CSMD3: variants seen among roughly 807,000 people sequenced by gnomAD.
CSMD3 encodes the protein CUB and sushi domain-containing protein 3.
A neutral mutation model predicts 435.2 loss-of-function variants in CSMD3; 177 were observed. The observed-to-expected ratio is 0.41, with a 90% CI of 0.36 to 0.46. The LOEUF is 0.46. CSMD3 is among the 20% of genes least tolerant of loss of function. CSMD3 has a pLI of 0.34. For missense variants in CSMD3, 4,265 were observed against 4,504.6 expected, an observed-to-expected ratio of 0.95 and a Z score of 1.52; for synonymous variants, 1,656 against 1,520.5, an observed-to-expected ratio of 1.09 and a Z score of -2.07.
chr8:112,346,572 C>T (rs1250804859), intron 40 of CSMD3, among the ~76,000 whole-genome samples: 6 of 151,676 alleles, frequency 4.0e-5, no homozygotes, highest in Non-Finnish European at 8.8e-5. Context: ...TGAATCATCC[C>T]AAAGACGATA....
chr8:112,563,684 A>AATTTTATTAG (rs1223195140), intron 24 of CSMD3, among the ~76,000 whole-genome samples: 3 of 152,010 alleles, frequency 2.0e-5, no homozygotes, highest in Non-Finnish European at 2.9e-5. Flanking sequence ...CCAGAAATTG[A>AATTTTATTAG]ATTTTATTAG....
rs1820240233 is a variant in CSMD3, at chr8:112,296,104, TA to T, written c.8441-99del. 5.3e-6 allele frequency: 5 copies of T among 936,234 alleles called. No individual in the cohort carries two copies. The African/African-American group carries it at 8.2e-5, about 15-fold the overall frequency. 58.0% of individuals were successfully genotyped at this position (936,234 alleles called of 1,614,324 possible). On this transcript the variant is annotated intron_variant, in intron 53 of 70. Transcript: ENST00000297405. ...CATGAGCAAACCTTTAAAGTTGTCTTAAAAGCAAGCAACAAATAATTCAATT... is the reference window on the plus strand; with the variant it reads ...CATGAGCAAACCTTTAAAGTTGTCTTAAAGCAAGCAACAAATAATTCAATT...
intron 53 of CSMD3, among the ~76,000 whole-genome samples, chr8:112,300,120 T>G (rs1201570073): frequency 1.4e-5 from 2 of 147,792 alleles, no homozygotes; most frequent in South Asian, 2.1e-4. Context: ...TCATTTTAAA[T>G]ATAATATTTT....
chr8:112,836,190 G>A (rs1168008393), intron 11 of CSMD3, among the ~76,000 whole-genome samples: 1 of 151,816 alleles, frequency 6.6e-6, no homozygotes, highest in African/African-American at 2.4e-5. Context: ...TATTAATGTA[G>A]ATAGAAAGTA....
At chr8:113,318,786 A>ATATGTGTGTGTG (rs71566042) in intron 1 of CSMD3, among the ~76,000 whole-genome samples, 3 of 140,066 alleles carry the variant, frequency 2.1e-5, no homozygotes, top group Admixed American at 7.1e-5. Flanking sequence ...GCTGAATAAG[A>ATATGTGTGTGTG]TGTGTGTGTG....
chr8:112,921,542 C>CA, intron 10 of CSMD3, 85 bp downstream of exon 10: 1 of 1,142,182 alleles, frequency 8.8e-7, no homozygotes, highest in Non-Finnish European at 1.3e-6. Flanking sequence ...TATTACAATT[C>CA]AAAGACTTAA....
At chr8:112,507,916 A>C (rs1334513825) in intron 28 of CSMD3, among the ~76,000 whole-genome samples, 1 of 152,034 alleles carries the variant, frequency 6.6e-6, no homozygotes, top group Admixed American at 6.6e-5. Flanking sequence ...AGTTGCTCAG[A>C]CTTAATATAT....
chr8:112,514,605 T>A (rs1354172922), intron 28 of CSMD3, among the ~76,000 whole-genome samples: 1 of 152,152 alleles, frequency 6.6e-6, no homozygotes. Flanking sequence ...TATTGAATGC[T>A]TCTACTTTCC....
At chr8:112,698,635 A>G (rs1044526723) in intron 13 of CSMD3, among the ~76,000 whole-genome samples, 6 of 152,188 alleles carry the variant, frequency 3.9e-5, no homozygotes, top group Non-Finnish European at 5.9e-5. Flanking sequence ...CAGCTTGAAG[A>G]AGCTCCATTG....
intron 1 of CSMD3, among the ~76,000 whole-genome samples, chr8:113,348,533 A>G (rs2132892470): frequency 6.6e-6 from 1 of 152,254 alleles, no homozygotes; most frequent in African/African-American, 2.4e-5. Context: ...AGCAGGGAGG[A>G]AGATGCAAAA....
At chr8:113,235,867 CAGGA>C (rs35890809) in intron 3 of CSMD3, among the ~76,000 whole-genome samples, 55,506 of 151,582 alleles carry the variant, frequency 0.37, 10,938 homozygotes, top group African/African-American at 0.52. Flanking sequence ...AGTAACCCTA[CAGGA>C]AGGATACCGG....
At chr8:113,278,421 C>A (rs990859356) in intron 3 of CSMD3, among the ~76,000 whole-genome samples, 171 bp downstream of exon 3, 6 of 150,668 alleles carry the variant, frequency 4.0e-5, no homozygotes, top group Non-Finnish European at 7.4e-5. Flanking sequence ...ATATTAAAAC[C>A]CACTAAGTAT....
At chr8:112,500,814 G>A (rs893040504) in intron 30 of CSMD3, among the ~76,000 whole-genome samples, 5 of 152,022 alleles carry the variant, frequency 3.3e-5, no homozygotes, top group Non-Finnish European at 7.3e-5. Flanking sequence ...TGTCCAAAAT[G>A]GGGGCTTCAT....
intron 4 of CSMD3, among the ~76,000 whole-genome samples, chr8:113,164,443 AC>A (rs1161044094): frequency 6.6e-5 from 10 of 151,884 alleles, no homozygotes; most frequent in Middle Eastern, 3.4e-3. Flanking sequence ...AGAAAAAAAA[AC>A]AATTCCTCCC....
At chr8:112,798,687 T>C (rs1256131524) in intron 13 of CSMD3, among the ~76,000 whole-genome samples, 3 of 151,892 alleles carry the variant, frequency 2.0e-5, no homozygotes, top group Non-Finnish European at 2.9e-5. Context: ...TCCCTGTTGC[T>C]CCAACCTATT....
intron 3 of CSMD3, among the ~76,000 whole-genome samples, chr8:113,211,667 T>A (rs1215420412): frequency 6.6e-6 from 1 of 152,100 alleles, no homozygotes; most frequent in African/African-American, 2.4e-5. Context: ...CCAGCCTGGA[T>A]GACAGAGGAA....
chr8:113,286,519 A>G (rs181257778), intron 2 of CSMD3, among the ~76,000 whole-genome samples: 126 of 152,204 alleles, frequency 8.3e-4, no homozygotes, highest in Admixed American at 7.7e-3. Context: ...CTGTATTTCA[A>G]CTTAATGTGA....
chr8:113,331,725 A>C (rs1218210148), intron 1 of CSMD3, among the ~76,000 whole-genome samples: 1 of 151,758 alleles, frequency 6.6e-6, no homozygotes, highest in African/African-American at 2.4e-5. Flanking sequence ...TACAAAATTC[A>C]ACATGCTTTT....
intron 27 of CSMD3, among the ~76,000 whole-genome samples, chr8:112,542,202 G>T (rs1236726643): frequency 2.2e-5 from 3 of 136,706 alleles, no homozygotes; most frequent in Non-Finnish European, 4.7e-5. Flanking sequence ...ACATCATACT[G>T]TCTGGAAAAA....
Sources: allele counts gnomAD v4.1 joint callset (sites outside exome capture counted in the v4.1 genomes callset), GRCh38; gene constraint gnomAD v4.1.1; transcripts MANE v1.5; gene names NCBI Gene and HGNC (gene_info 2026-07-23, HGNC 2026-07-21).